Variants in CIITA observed in about 807,000 individuals in gnomAD.
CIITA encodes class II major histocompatibility complex transactivator, also known as MHC class II transactivator.
A neutral mutation model predicts 115.1 loss-of-function variants in CIITA; 72 were observed. The ratio of observed to expected loss-of-function variants is 0.63; its 90% CI spans 0.52 to 0.76. CIITA has a LOEUF of 0.76. Ranked by LOEUF, CIITA falls within the 30% of genes least tolerant of loss-of-function variation. CIITA has a pLI of 0.00. For missense variants in CIITA, 1,617 were observed against 1,463.8 expected, an observed-to-expected ratio of 1.10 and a Z score of -1.71; for synonymous variants, 763 against 635.6, an observed-to-expected ratio of 1.20 and a Z score of -3.02.
In CIITA at chr16:10,902,670, G is replaced by T. The variant is rs2038866098; in HGVS notation, c.641G>T (p.Ser214Ile). 1 of 1,614,118 alleles carries T rather than the reference G, an allele frequency of 6.2e-7. No homozygotes were observed. The highest frequency in any genetic ancestry group is 1.3e-5 in the African/African-American group (1 of 74,930). The change falls in exon 8 of 20, where the codon AGT (serine) becomes ATT (isoleucine). Residue 214 changes from serine (S) to isoleucine (I), a missense_variant. Transcript: ENST00000324288. ...TTGTCTCTTGCAGTGCCTTTCTCCA[G>T]TTCCTCGTTGAGCTGCCTGAATCTC... ...KTDQIPMPFS[S>I]SSLSCLNLPE...
At chr16:10,909,293 G>A in intron 12 of CIITA, 106 bp downstream of exon 12, 1 of 1,197,220 alleles carries the variant, frequency 8.4e-7, no homozygotes, top group South Asian at 1.3e-5. Flanking sequence ...CCTGTCCTCT[G>A]GGACACCCCA....
intron 11 of CIITA, chr16:10,908,809 T>A (rs530387936): frequency 4.6e-6 from 3 of 654,574 alleles, no homozygotes; most frequent in Non-Finnish European, 5.4e-6. Context: ...GTGAGCTTCC[T>A]GGTAGCCGAA....
intron 4 of CIITA, 85 bp downstream of exon 4, chr16:10,898,817 C>A: frequency 3.1e-6 from 5 of 1,597,712 alleles, no homozygotes; most frequent in South Asian, 1.1e-5. Context: ...ACCTGACGAC[C>A]ATTCATTGAT....
rs766538754 is a variant in CIITA at position 10,910,203 on chromosome 16, G to A, written c.2832G>A (p.Ser944=). The A allele has an allele frequency of 6.9e-5, 112 of 1,613,910 alleles. No homozygotes were observed. Among genetic ancestry groups the A allele is most frequent in the Middle Eastern group, 1.6e-4 (1 of 6,082 alleles). Residue 944 remains serine, a synonymous_variant, in exon 13 of 20, where the codon TCG becomes TCA. Coordinates refer to ENST00000324288, the MANE Select transcript of CIITA (RefSeq NM_000246.4). ...TTCTCTCCAGGACGAGAAGTTCCTC[G>A]GAAGACACAGCTGGGGAGCTCCCTG... ...LVQTQRTRSS[S]EDTAGELPAV... is the part of the protein sequence containing the mutation.
Position 10,894,861 on chromosome 16 carries a change from A to G in CIITA, c.53-421A>G, listed in dbSNP as rs530266442. On this transcript the variant is annotated intron_variant, in intron 1 of 19. Coordinates refer to ENST00000324288, the MANE Select transcript of CIITA (RefSeq NM_000246.4). ...CACCTCTCTGAGCCTCAGTTTTCTCATATGCAAAGTGAGGATAATAATAAT... is the reference window on the plus strand; with the variant it reads ...CACCTCTCTGAGCCTCAGTTTTCTCGTATGCAAAGTGAGGATAATAATAAT... Among the ~76,000 whole-genome samples, 51 of 152,338 alleles carry G rather than the reference A, an allele frequency of 3.3e-4. 1 individual carries two copies. Among genetic ancestry groups the G allele is most frequent in the African/African-American group, 1.2e-3 (50 of 41,570 alleles).
intron 1 of CIITA, chr16:10,866,502 C>T (rs758581625): frequency 1.3e-5 from 7 of 558,598 alleles, no homozygotes; most frequent in African/African-American, 5.6e-5. Flanking sequence ...ATTTGGCCCT[C>T]CTGGGGTGGG....
rs1020169263 is a variant in CIITA at position 10,920,269 on chromosome 16, A to T, written c.3149+1743A>T. On this transcript the variant is annotated intron_variant, in intron 16 of 19. Coordinates refer to ENST00000324288, the MANE Select transcript of CIITA (RefSeq NM_000246.4). The surrounding 1 kb of genome is among the most constrained non-coding windows in gnomAD (Gnocchi z 4.5). ...TTTTTTCTTTTCTTTTCTTTTTGAG[A>T]CCAAGTCTCACTTTATTGCCCAGGC... Among the ~76,000 whole-genome samples, 37 of 152,276 alleles carry T rather than the reference A, an allele frequency of 2.4e-4. No homozygotes were observed. The highest frequency in any genetic ancestry group is 3.9e-4 in the Admixed American group (6 of 15,310).
downstream of CIITA, chr16:10,939,219 A>G (rs2041068671): frequency 6.6e-6 from 1 of 152,228 alleles, no homozygotes; most frequent in Non-Finnish European, 1.5e-5. The surrounding 1 kb of genome is among the most constrained non-coding windows in gnomAD (Gnocchi z 4.9). Flanking sequence ...TATCTTCACT[A>G]AACTCCCCTC....
In CIITA at chr16:10,920,033, G is replaced by T. The variant is rs2040185454; in HGVS notation, c.3149+1507G>T. 6.6e-6 allele frequency among the ~76,000 whole-genome samples: 1 copy of T among 152,094 alleles called. No homozygotes were observed. The highest frequency in any genetic ancestry group is 2.4e-5 in the African/African-American group (1 of 41,422). ...TGCAAAGGCCCTAAGTGGGAAAAGG[G>T]GCTGTGTTTTAAGGGTCAGAAGGGC... On this transcript the variant is annotated intron_variant, in intron 16 of 19. Transcript: ENST00000324288. This position sits in a 1 kb window ranked among gnomAD's most constrained non-coding sequence, Gnocchi z 4.5.
At chr16:10,936,671 G>A (rs1212980289), downstream of CIITA, 1 of 152,226 alleles carries the variant, frequency 6.6e-6, no homozygotes, top group Non-Finnish European at 1.5e-5. Context: ...AGGCCTGGCA[G>A]AAACTATGAG....
At position 10,929,450 on chromosome 16, in the gene CIITA, T is replaced by C. The variant is rs2040681117; in HGVS notation, c.*5595T>C. On this transcript the variant is annotated 3_prime_UTR_variant, in exon 20 of 20. Coordinates refer to ENST00000324288, the MANE Select transcript of CIITA (RefSeq NM_000246.4). The surrounding 1 kb of genome is among the most constrained non-coding windows in gnomAD (Gnocchi z 4.3). Reference sequence around the variant, plus strand: ...GATGCCTCTTGCGTTCCCCCTTCTGTGGGAGCAGGTGCCTTCCCAACCTCA... The same window carrying C: ...GATGCCTCTTGCGTTCCCCCTTCTGCGGGAGCAGGTGCCTTCCCAACCTCA... 12 of 985,838 alleles carry C rather than the reference T, an allele frequency of 1.2e-5. No homozygotes were observed. Among genetic ancestry groups the C allele is most frequent in the Non-Finnish European group, 1.2e-5 (10 of 829,940 alleles). 61.1% of individuals were successfully genotyped at this position (985,838 alleles called of 1,614,324 possible).
chr16:10,906,521 C>G lies in CIITA; in HGVS notation c.1029C>G (p.Arg343=), dbSNP rs759796074. The G allele has an allele frequency of 2.5e-6, 4 of 1,612,214 alleles. No individual in the cohort carries two copies. Among genetic ancestry groups the G allele is most frequent in the Middle Eastern group, 2.1e-4 (1 of 4,656 alleles). ...KWPEPVEQFY[R]SLQDTYGAEP... ...CAGAGCCGGTGGAGCAGTTCTACCG[C>G]TCACTGCAGGACACGTATGGTGCCG... Residue 343 remains arginine (R), a synonymous_variant, in exon 11 of 20, where the codon CGC becomes CGG. Coordinates refer to ENST00000324288, the MANE Select transcript of CIITA (RefSeq NM_000246.4).
At chr16:10,908,505 C>G (rs1461042023) in intron 11 of CIITA, 1 of 434,874 alleles carries the variant, frequency 2.3e-6, no homozygotes, top group Non-Finnish European at 4.3e-6. Flanking sequence ...CCATGGCCTC[C>G]CCTTGGACTC....
intron 16 of CIITA, 142 bp downstream of exon 16, chr16:10,918,668 G>C: frequency 1.4e-6 from 1 of 702,032 alleles, no homozygotes; most frequent in Non-Finnish European, 2.4e-6. Context: ...AGCGGGACGT[G>C]GTGAAAGAAA....
At chr16:10,915,483 T>A (rs2039888827) in intron 13 of CIITA, 87 bp from the exon 14 acceptor site, 3 of 1,058,312 alleles carry the variant, frequency 2.8e-6, no homozygotes, top group Non-Finnish European at 4.4e-6. Flanking sequence ...GGACCTGACT[T>A]CTGTGCCTTG....
In CIITA at chr16:10,920,218, G is replaced by A. The variant is rs72770058; in HGVS notation, c.3149+1692G>A. On this transcript the variant is annotated intron_variant, in intron 16 of 19. Transcript: ENST00000324288. The surrounding 1 kb of genome is among the most constrained non-coding windows in gnomAD (Gnocchi z 4.5). The stretch of plus-strand genomic sequence containing the variant: ...GAAAAGTAGGTGGGCCTGGGAAGGC[G>A]ACACTTGATCTGATTTACACTTTTC... 0.11 allele frequency among the ~76,000 whole-genome samples: 16,294 copies of A among 152,218 alleles called. 921 individuals carry two copies. Among genetic ancestry groups the A allele is most frequent in the East Asian group, 0.17 (874 of 5,176 alleles).
At chr16:10,917,662 T>C (rs1369833203) in intron 15 of CIITA, among the ~76,000 whole-genome samples, 1 of 152,000 alleles carries the variant, frequency 6.6e-6, no homozygotes, top group Non-Finnish European at 1.5e-5. Context: ...GTATTTTTAG[T>C]AGAGACGGGG....
upstream of CIITA, among the ~76,000 whole-genome samples, chr16:10,873,672 C>A (rs751469090): frequency 6.6e-6 from 1 of 152,158 alleles, no homozygotes; most frequent in Non-Finnish European, 1.5e-5. Context: ...TTTTCCAGAA[C>A]AACTGTTCTT....
upstream of CIITA, among the ~76,000 whole-genome samples, chr16:10,874,487 C>T (rs896090036): frequency 6.6e-6 from 1 of 152,208 alleles, no homozygotes; most frequent in African/African-American, 2.4e-5. Flanking sequence ...TGTGCCTCAG[C>T]TCCTGGCTGG....
Sources: allele counts gnomAD v4.1 joint callset (sites outside exome capture counted in the v4.1 genomes callset), GRCh38; gene constraint gnomAD v4.1.1; non-coding constraint Gnocchi (gnomAD v3.1); transcripts MANE v1.5; gene names NCBI Gene and HGNC (gene_info 2026-07-23, HGNC 2026-07-21).